The following CC2D2A variants were observed in gnomAD, a reference collection of about 807,000 sequenced individuals.
The protein encoded by CC2D2A is coiled-coil and C2 domain-containing protein 2A.
CC2D2A carries 155 observed loss-of-function variants against 212.9 expected under a neutral mutation model. That is an observed-to-expected ratio of 0.73 (90% CI 0.64 to 0.83). The LOEUF (loss-of-function observed/expected upper bound fraction) is 0.83. CC2D2A is among the 40% of genes least tolerant of loss of function. The pLI, the probability that CC2D2A is intolerant of heterozygous loss-of-function variation, is 0.00. For missense variants in CC2D2A, 1,856 were observed against 1,956.2 expected, an observed-to-expected ratio of 0.95 and a Z score of 0.97; for synonymous variants, 667 against 686.5, an observed-to-expected ratio of 0.97 and a Z score of 0.44.
intron 22 of CC2D2A, among the ~76,000 whole-genome samples, chr4:15,559,803 G>GTTAT (rs564732212): frequency 6.0e-4 from 91 of 151,732 alleles, no homozygotes; most frequent in East Asian, 2.1e-3. Flanking sequence ...TATTTAAGAG[G>GTTAT]TTATTTATTT....
chr4:15,514,209 GA>G (rs905886805), intron 8 of CC2D2A, among the ~76,000 whole-genome samples: 1 of 152,228 alleles, frequency 6.6e-6, no homozygotes, highest in African/African-American at 2.4e-5. Flanking sequence ...CTGAGGATCA[GA>G]AGGTTAAATA....
intron 1 of CC2D2A, among the ~76,000 whole-genome samples, chr4:15,474,493 A>T (rs1195011020): frequency 1.3e-5 from 2 of 152,226 alleles, no homozygotes; most frequent in Non-Finnish European, 2.9e-5. Flanking sequence ...ACAAAAAAAA[A>T]ATAGAAAGAA....
intron 23 of CC2D2A, among the ~76,000 whole-genome samples, chr4:15,562,482 C>T (rs1719658554): frequency 6.6e-6 from 1 of 152,198 alleles, no homozygotes; most frequent in South Asian, 2.1e-4. Context: ...TCTTGCATAT[C>T]ATCTCCGTGA....
chr4:15,549,646 T>C (rs1256202289), intron 17 of CC2D2A, among the ~76,000 whole-genome samples: 1 of 152,090 alleles, frequency 6.6e-6, no homozygotes, highest in African/African-American at 2.4e-5. Flanking sequence ...CTACTAAAAA[T>C]ACAAACATTA....
Position 15,550,946 on chromosome 4 carries a change from G to A in CC2D2A, c.2304G>A (p.Gln768=). 2 of 1,604,548 alleles carry A rather than the reference G, an allele frequency of 1.2e-6. No homozygotes were observed. Among genetic ancestry groups the A allele is most frequent in the Non-Finnish European group, 8.5e-7 (1 of 1,172,446 alleles). ...AAGAAGTGGAGTTTAGCAGTAATCA[G>A]CATGTGACACTGGACCACGAGGGAG... The part of the protein sequence containing the change: ...PTEEVEFSSN[Q]HVTLDHEGVG... Residue 768 remains glutamine (Q), a synonymous_variant, in exon 18 of 37, where the codon CAG becomes CAA. Coordinates refer to ENST00000424120, the MANE Select transcript of CC2D2A (RefSeq NM_001378615.1).
At chr4:15,572,113 A>C (rs1176335946) in intron 28 of CC2D2A, among the ~76,000 whole-genome samples, 1 of 152,198 alleles carries the variant, frequency 6.6e-6, no homozygotes, top group Non-Finnish European at 1.5e-5. Context: ...AACCTGATTC[A>C]ACAATAATAA....
At chr4:15,510,075 T>C in intron 6 of CC2D2A, 64 bp from the exon 7 acceptor site, 1 of 1,282,696 alleles carries the variant, frequency 7.8e-7, no homozygotes, top group Non-Finnish European at 1.1e-6. Context: ...TTAACCTTCA[T>C]TTTAGAACAG....
chr4:15,577,847 A>AT (rs1426221012), intron 29 of CC2D2A, among the ~76,000 whole-genome samples: 1 of 152,084 alleles, frequency 6.6e-6, no homozygotes, highest in Non-Finnish European at 1.5e-5. Context: ...CTGATTGCTT[A>AT]TTAATGTTCC....
intron 4 of CC2D2A, among the ~76,000 whole-genome samples, chr4:15,494,412 G>T (rs1311247581): frequency 1.3e-5 from 2 of 152,230 alleles, no homozygotes; most frequent in Non-Finnish European, 2.9e-5. Context: ...TAGAAAAAAA[G>T]ATAGTGACCA....
At chr4:15,589,504 T>A (rs551554008) in intron 32 of CC2D2A, 41 bp from the exon 33 acceptor site, 1 of 1,589,898 alleles carries the variant, frequency 6.3e-7, no homozygotes, top group East Asian at 2.3e-5. Flanking sequence ...CTTCACTGCA[T>A]AAATAGTTGA....
intron 20 of CC2D2A, among the ~76,000 whole-genome samples, chr4:15,555,830 G>A: frequency 6.6e-6 from 1 of 152,140 alleles, no homozygotes; most frequent in East Asian, 1.9e-4. Context: ...TCCAACCTCT[G>A]TAAAACTCCT....
At chr4:15,493,245 A>ATTATTTATTTAT (rs58220743) in intron 4 of CC2D2A, among the ~76,000 whole-genome samples, 4,302 of 148,302 alleles carry the variant, frequency 0.029, 81 homozygotes, top group Admixed American at 0.062. Flanking sequence ...CACTTTATTT[A>ATTATTTATTTAT]TTATTTATTT....
rs140349862 is a variant in CC2D2A, at chr4:15,479,457, C to T, written c.123+651C>T. On this transcript the variant is annotated intron_variant, in intron 3 of 36. Coordinates refer to ENST00000424120, the MANE Select transcript of CC2D2A (RefSeq NM_001378615.1). ...AGGGGAGAGAAGCGCCATTTTGAGC[C>T]AGCAGTCACGTGAAGGGGCTGCAGA... The T allele has an allele frequency of 7.1e-5, 55 of 770,560 alleles. No individual in the cohort carries two copies. The African/African-American group carries it at 9.1e-4, about 13-fold the overall frequency. 47.7% of individuals were successfully genotyped at this position (770,560 alleles called of 1,614,324 possible).
rs763052758 is a variant in CC2D2A at position 15,553,143 on chromosome 4, C to G, written c.2339-15C>G. ...CTTTCTAAACAGCATCCTGTTTAATCTGGTGTTTCCCCAGGAGTGCCCTTC... is the reference window on the plus strand; with the variant it reads ...CTTTCTAAACAGCATCCTGTTTAATGTGGTGTTTCCCCAGGAGTGCCCTTC... On this transcript the variant is annotated splice_polypyrimidine_tract_variant and intron_variant, in intron 18 of 36. Coordinates refer to ENST00000424120, the MANE Select transcript of CC2D2A (RefSeq NM_001378615.1). 8 of 1,580,178 alleles carry G rather than the reference C, an allele frequency of 5.1e-6. No individual in the cohort carries two copies. In the African/African-American group the frequency reaches 9.6e-5, roughly 19 times the overall value.
rs531416486 is a variant in CC2D2A, at chr4:15,531,820, T to C, written c.1467-1373T>C. 2.6e-5 allele frequency among the ~76,000 whole-genome samples: 4 copies of C among 152,284 alleles called. 1 individual carries two copies. The highest frequency in any genetic ancestry group is 4.1e-4 in the South Asian group (2 of 4,822). ...GAAAATATATCAGAAAGCCTGAAGA[T>C]GTCATGTAACTCAGTAAAATAATTT... On this transcript the variant is annotated intron_variant, in intron 13 of 36. Transcript: ENST00000424120.
At chr4:15,513,395 C>T (rs1716682547) in intron 8 of CC2D2A, among the ~76,000 whole-genome samples, 1 of 152,206 alleles carries the variant, frequency 6.6e-6, no homozygotes. Flanking sequence ...GAGAATTGGG[C>T]TTCACCTGTT....
chr4:15,597,638 C>CTAA (rs1473014842), intron 35 of CC2D2A, among the ~76,000 whole-genome samples, 173 bp downstream of exon 35: 1 of 152,166 alleles, frequency 6.6e-6, no homozygotes, highest in Admixed American at 6.5e-5. Context: ...TCAAAAGGAG[C>CTAA]CTTTAGCATC....
At chr4:15,523,637 G>A (rs1411709808) in intron 11 of CC2D2A, among the ~76,000 whole-genome samples, 1 of 152,224 alleles carries the variant, frequency 6.6e-6, no homozygotes, top group Non-Finnish European at 1.5e-5. Flanking sequence ...GAAAGGATCT[G>A]GGAATAAATC....
At chr4:15,555,619 G>T (rs1719238969) in intron 20 of CC2D2A, among the ~76,000 whole-genome samples, 1 of 152,176 alleles carries the variant, frequency 6.6e-6, no homozygotes, top group African/African-American at 2.4e-5. Flanking sequence ...CATGCCTATA[G>T]TCCCAGCTAC....
Sources: gnomAD v4.1 joint callset for allele counts (sites outside exome capture counted in the v4.1 genomes callset) on GRCh38, gnomAD v4.1.1 for gene constraint, MANE v1.5 for transcripts, NCBI Gene and HGNC (gene_info 2026-07-23, HGNC 2026-07-21) for gene names.